Variants in ZNF654 observed in about 807,000 individuals in gnomAD.
ZNF654 encodes the protein zinc finger protein 654, also known as melanoma-associated antigen.
ZNF654 carries 19 observed loss-of-function variants against 95.3 expected under a neutral mutation model. The ratio of observed to expected loss-of-function variants is 0.20; its 90% CI spans 0.14 to 0.29. The LOEUF is 0.29. Ranked by LOEUF, ZNF654 falls within the 10% of genes least tolerant of loss-of-function variation. The probability of loss-of-function intolerance (pLI) is 1.00; values close to 1 mark genes in which losing one functional copy is unlikely to be tolerated. For missense variants in ZNF654, 1,046 were observed against 1,341.0 expected, an observed-to-expected ratio of 0.78 and a Z score of 3.44; for synonymous variants, 413 against 457.9, an observed-to-expected ratio of 0.90 and a Z score of 1.25.
intron 7 of ZNF654, among the ~76,000 whole-genome samples, chr3:88,138,037 A>G (rs1451657869): frequency 3.3e-5 from 5 of 152,138 alleles, no homozygotes; most frequent in African/African-American, 7.2e-5. Context: ...AGCTGATGCA[A>G]TTATCCTTGA....
chr3:88,130,024 G>A lies in ZNF654; in HGVS notation c.893+198G>A, dbSNP rs1342039350. On this transcript the variant is annotated intron_variant, in intron 6 of 8. Transcript: ENST00000636215. ...GATAATGTGCCACTAAACTGATAGT[G>A]TAAATGTTTAAGGGATGTGCTATAA... Among the ~76,000 whole-genome samples the A allele has an allele frequency of 2.6e-5, 4 of 152,312 alleles. No individual in the cohort carries two copies. In the East Asian group the frequency reaches 7.7e-4, roughly 29 times the overall value.
Position 88,138,707 on chromosome 3 carries a change from TGAA to T in ZNF654, c.1046_1048del (p.Glu349del), listed in dbSNP as rs945633180. ...CACTAATATTTTTCTTTTTACAGGTTGAAGAAGAAGGCTTGCAAATTTGTGTTG... is the reference window on the plus strand; with the variant it reads ...CACTAATATTTTTCTTTTTACAGGTTGAAGAAGGCTTGCAAATTTGTGTTG... On this transcript the variant is annotated inframe_deletion, in exon 8 of 9. Transcript: ENST00000636215. 37 of 1,231,660 alleles carry T rather than the reference TGAA, an allele frequency of 3.0e-5. No homozygotes were observed. Among genetic ancestry groups the T allele is most frequent in the South Asian group, 1.2e-4 (3 of 24,320 alleles). The allele number at this position is 1,231,660 out of a possible 1,614,324, so 76.3% of individuals were successfully genotyped here.
intron 1 of ZNF654, among the ~76,000 whole-genome samples, chr3:88,074,492 C>T (rs930681399): frequency 5.3e-5 from 8 of 152,118 alleles, no homozygotes; most frequent in Admixed American, 3.9e-4. Flanking sequence ...CAGGCATCTG[C>T]CTCCATGCCT....
chr3:88,104,387 C>G (rs780627160), intron 2 of ZNF654, among the ~76,000 whole-genome samples: 3 of 152,172 alleles, frequency 2.0e-5, no homozygotes, highest in Non-Finnish European at 4.4e-5. Context: ...GTCTCTGTAA[C>G]TACTCAGCTT....
intron 1 of ZNF654, among the ~76,000 whole-genome samples, chr3:88,081,388 A>T (rs1026843963): frequency 5.3e-5 from 8 of 152,008 alleles, no homozygotes; most frequent in African/African-American, 1.7e-4. Flanking sequence ...GAGACTGCAA[A>T]TCCTGCTTCT....
intron 2 of ZNF654, among the ~76,000 whole-genome samples, chr3:88,112,648 G>C (rs185560764): frequency 2.0e-5 from 3 of 151,888 alleles, no homozygotes; most frequent in Non-Finnish European, 4.4e-5. Flanking sequence ...AATGTTGGCC[G>C]AGAGTTTTAT....
At chr3:88,059,928 C>T (rs976499112) in intron 1 of ZNF654, among the ~76,000 whole-genome samples, 27 of 152,052 alleles carry the variant, frequency 1.8e-4, no homozygotes, top group African/African-American at 6.5e-4. Flanking sequence ...CCCCCGTGTT[C>T]TCCCCTTTTT....
rs150477952 is a variant in ZNF654, at chr3:88,106,800, T to C, written c.333-6315T>C. On this transcript the variant is annotated intron_variant, in intron 2 of 8. Coordinates refer to ENST00000636215, the MANE Select transcript of ZNF654 (RefSeq NM_001350134.2). ...TAAACATTTCTCAGTAACCAAGTTA[T>C]ATGAGGATTTTTTTTTCTGATATTT... Among the ~76,000 whole-genome samples, 352 of 152,334 alleles carry C rather than the reference T, an allele frequency of 2.3e-3. 2 individuals carry two copies. Among genetic ancestry groups the C allele is most frequent in the African/African-American group, 7.8e-3 (326 of 41,578 alleles).
At position 88,075,753 on chromosome 3, in the gene ZNF654, C is replaced by CT. The variant is rs35978382; in HGVS notation, c.187-10495dup. The stretch of plus-strand genomic sequence containing the variant: ...TATTAAATTTGCCTCGCCTATCTTC[C>CT]TTTTTTTTTCTCTTGGTTTTTTTGT... On this transcript the variant is annotated intron_variant, in intron 1 of 8. Coordinates refer to ENST00000636215, the MANE Select transcript of ZNF654 (RefSeq NM_001350134.2). Among the ~76,000 whole-genome samples, 240 of 151,356 alleles carry CT rather than the reference C, an allele frequency of 1.6e-3. 3 individuals are homozygous for CT. Among genetic ancestry groups the CT allele is most frequent in the Non-Finnish European group, 2.0e-3 (134 of 67,778 alleles).
chr3:88,064,284 C>G (rs565627432), intron 1 of ZNF654, among the ~76,000 whole-genome samples: 14 of 152,108 alleles, frequency 9.2e-5, no homozygotes, highest in Admixed American at 7.2e-4. Context: ...ATCAGTTGGC[C>G]TAGTACAGGA....
At position 88,059,412 on chromosome 3, in the gene ZNF654, A is replaced by G. The variant is rs1706704589; in HGVS notation, c.93A>G (p.Arg31=). The change falls in exon 1 of 9, where the codon AGA becomes AGG. Residue 31 remains arginine (R), a synonymous_variant. Transcript: ENST00000636215. ...VESPLGPVGL[R]AAGDGRGGAG... ...CCCCGCTGGGCCCTGTGGGGCTTAG[A>G]GCTGCGGGCGACGGCAGAGGCGGCG... 2 of 1,529,908 alleles carry G rather than the reference A, an allele frequency of 1.3e-6. No homozygotes were observed. Among genetic ancestry groups the G allele is most frequent in the South Asian group, 2.4e-5 (2 of 83,606 alleles). The allele number at this position is 1,529,908 out of a possible 1,614,324, so 94.8% of individuals were successfully genotyped here. A position where few individuals can be genotyped will look rare whatever the true frequency, so the allele number is the denominator to read the frequency against.
intron 5 of ZNF654, among the ~76,000 whole-genome samples, 183 bp from the exon 6 acceptor site, chr3:88,129,504 A>G (rs1307786552): frequency 1.3e-5 from 2 of 152,124 alleles, no homozygotes; most frequent in African/African-American, 4.8e-5. Context: ...TAGTCATTGT[A>G]AAATGTAGGT....
chr3:88,102,257 A>C (rs1368885181), intron 2 of ZNF654, among the ~76,000 whole-genome samples: 2 of 152,146 alleles, frequency 1.3e-5, no homozygotes, highest in Non-Finnish European at 1.5e-5. Context: ...TCCTCAAAAA[A>C]CTTTTTAGAA....
intron 1 of ZNF654, 150 bp from the exon 2 acceptor site, chr3:88,086,107 A>C: frequency 6.8e-6 from 4 of 590,382 alleles, no homozygotes; most frequent in African/African-American, 5.5e-5. Context: ...TATATCGTCA[A>C]AATAAACAGT....
intron 2 of ZNF654, among the ~76,000 whole-genome samples, chr3:88,110,411 C>G (rs1705017088): frequency 6.6e-6 from 1 of 152,094 alleles, no homozygotes; most frequent in Non-Finnish European, 1.5e-5. Context: ...ATGCATATGA[C>G]TCTGTTCCAG....
At chr3:88,089,331 A>T (rs1343383307) in intron 2 of ZNF654, among the ~76,000 whole-genome samples, 1 of 151,750 alleles carries the variant, frequency 6.6e-6, no homozygotes, top group Non-Finnish European at 1.5e-5. Flanking sequence ...CTCTACTAAA[A>T]ATACAAAAAA....
chr3:88,095,041 T>C (rs1002581454), intron 2 of ZNF654, among the ~76,000 whole-genome samples: 2 of 152,166 alleles, frequency 1.3e-5, no homozygotes, highest in South Asian at 2.1e-4. Context: ...AACAGAATTA[T>C]AGAATTCAAA....
intron 3 of ZNF654, among the ~76,000 whole-genome samples, chr3:88,120,544 T>C (rs1319747855): frequency 2.6e-5 from 4 of 151,862 alleles, no homozygotes; most frequent in Non-Finnish European, 4.4e-5. Context: ...GTGAAGAAAA[T>C]TGACATGATA....
At chr3:88,063,751 A>G (rs1157178315) in intron 1 of ZNF654, among the ~76,000 whole-genome samples, 1 of 152,196 alleles carries the variant, frequency 6.6e-6, no homozygotes, top group East Asian at 1.9e-4. Flanking sequence ...TATTATGTAA[A>G]AAAATCTTGA....
Sources: gnomAD v4.1 joint callset for allele counts (sites outside exome capture counted in the v4.1 genomes callset) on GRCh38, gnomAD v4.1.1 for gene constraint, MANE v1.5 for transcripts, NCBI Gene and HGNC (gene_info 2026-07-23, HGNC 2026-07-21) for gene names.